ZNF804B: variants seen among roughly 807,000 people sequenced by gnomAD.
ZNF804B encodes the protein zinc finger 804B.
A neutral mutation model predicts 101.4 loss-of-function variants in ZNF804B; 80 were observed. The ratio of observed to expected loss-of-function variants is 0.79; its 90% confidence interval spans 0.66 to 0.95. The LOEUF is 0.95. Among genes scored for constraint, ZNF804B ranks in the 40% least tolerant of loss-of-function variants. The pLI is 0.00. For synonymous variants in ZNF804B, 622 were observed against 558.8 expected, an observed-to-expected ratio of 1.11 and a Z score of -1.59; for missense variants, 1,673 against 1,561.9, an observed-to-expected ratio of 1.07 and a Z score of -1.20.
At chr7:88,980,070 T>C (rs1793674926) in intron 1 of ZNF804B, among the ~76,000 whole-genome samples, 1 of 151,958 alleles carries the variant, frequency 6.6e-6, no homozygotes, top group Admixed American at 6.6e-5. Context: ...TGATTCTTTT[T>C]TTTTTATTAT....
intron 1 of ZNF804B, among the ~76,000 whole-genome samples, chr7:89,011,716 G>C (rs908210680): frequency 6.6e-6 from 1 of 151,970 alleles, no homozygotes; most frequent in African/African-American, 2.4e-5. Context: ...AAATAAGTGG[G>C]CTCCTATGGC....
chr7:89,045,656 C>T (rs574703273), intron 1 of ZNF804B, among the ~76,000 whole-genome samples: 1 of 152,156 alleles, frequency 6.6e-6, no homozygotes, highest in South Asian at 2.1e-4. Context: ...GGATTTCAGA[C>T]TTGCATTGAG....
chr7:88,856,336 G>A (rs1791558779), intron 1 of ZNF804B, among the ~76,000 whole-genome samples: 1 of 152,112 alleles, frequency 6.6e-6, no homozygotes, highest in Non-Finnish European at 1.5e-5. Context: ...CTTGTAAGTT[G>A]TATTCATAGG....
intron 2 of ZNF804B, among the ~76,000 whole-genome samples, chr7:89,261,347 C>A (rs1314709428): frequency 6.6e-6 from 1 of 151,976 alleles, no homozygotes; most frequent in Non-Finnish European, 1.5e-5. Flanking sequence ...ACATGACATA[C>A]CTTTTTCTTA....
At chr7:88,914,890 T>C (rs2115983458) in intron 1 of ZNF804B, among the ~76,000 whole-genome samples, 1 of 152,300 alleles carries the variant, frequency 6.6e-6, no homozygotes, top group Admixed American at 6.5e-5. Context: ...AACAAAGTAT[T>C]ACCTTGTTAT....
intron 1 of ZNF804B, among the ~76,000 whole-genome samples, chr7:89,171,360 TC>T (rs1791229997): frequency 1.8e-5 from 2 of 111,554 alleles, no homozygotes; most frequent in African/African-American, 6.6e-5. Context: ...TTCTTCTTCC[TC>T]CTCTTCCTCT....
chr7:89,026,375 C>T lies in ZNF804B; in HGVS notation c.109-191780C>T, dbSNP rs528910612. Among the ~76,000 whole-genome samples the T allele has an allele frequency of 8.5e-5, 13 of 152,172 alleles. No homozygotes were observed. In the South Asian group the frequency reaches 1.5e-3, roughly 17 times the overall value. On this transcript the variant is annotated intron_variant, in intron 1 of 3. Transcript: ENST00000333190. The stretch of plus-strand genomic sequence containing the variant: ...ATGGAATATACAAAGAGCTGGGACA[C>T]GGTTTTGCTAAAGCACGGGGGTACA...
At chr7:88,957,132 G>A (rs1793321921) in intron 1 of ZNF804B, among the ~76,000 whole-genome samples, 1 of 151,376 alleles carries the variant, frequency 6.6e-6, no homozygotes, top group Non-Finnish European at 1.5e-5. Context: ...TTCTGTTTAT[G>A]AAAGGAAGCC....
At chr7:88,852,410 A>G (rs1360441977) in intron 1 of ZNF804B, among the ~76,000 whole-genome samples, 2 of 152,094 alleles carry the variant, frequency 1.3e-5, no homozygotes, top group African/African-American at 4.8e-5. Context: ...CTAGAAGGCT[A>G]AATACCTTTG....
intron 1 of ZNF804B, among the ~76,000 whole-genome samples, chr7:89,178,454 A>T (rs1788239065): frequency 6.6e-6 from 1 of 152,000 alleles, no homozygotes; most frequent in South Asian, 2.1e-4. Flanking sequence ...AGGACTATGA[A>T]GCTTGCAAAT....
chr7:88,866,735 A>G (rs555708292), intron 1 of ZNF804B, among the ~76,000 whole-genome samples: 1 of 152,290 alleles, frequency 6.6e-6, no homozygotes, highest in East Asian at 1.9e-4. Context: ...AGAACCATGA[A>G]AAAATAATAG....
intron 2 of ZNF804B, among the ~76,000 whole-genome samples, chr7:89,219,188 C>T (rs1295267829): frequency 6.6e-6 from 1 of 151,954 alleles, no homozygotes. Flanking sequence ...AGTTACTTAA[C>T]TAGTTAGTGA....
At chr7:89,023,510 G>T (rs1316862241) in intron 1 of ZNF804B, among the ~76,000 whole-genome samples, 2 of 152,112 alleles carry the variant, frequency 1.3e-5, no homozygotes, top group African/African-American at 4.8e-5. Context: ...TGGCATTTTG[G>T]TCCTTAAATT....
chr7:88,978,302 C>A (rs1329464814), intron 1 of ZNF804B, among the ~76,000 whole-genome samples: 3 of 151,676 alleles, frequency 2.0e-5, no homozygotes, highest in Non-Finnish European at 4.4e-5. Context: ...GAAAATCTAT[C>A]CAATGCTGAA....
At chr7:88,886,474 C>T (rs1000277058) in intron 1 of ZNF804B, among the ~76,000 whole-genome samples, 4 of 152,126 alleles carry the variant, frequency 2.6e-5, no homozygotes, top group Admixed American at 6.6e-5. Context: ...ATTCAGACTT[C>T]CCATTTAAAT....
chr7:88,924,531 A>G (rs1365075905), intron 1 of ZNF804B, among the ~76,000 whole-genome samples: 1 of 152,078 alleles, frequency 6.6e-6, no homozygotes, highest in African/African-American at 2.4e-5. Flanking sequence ...CCTACATCAT[A>G]CCTTTACCTC....
Position 88,876,404 on chromosome 7 carries a change from A to G in ZNF804B, c.108+116320A>G, listed in dbSNP as rs1379890498. Among the ~76,000 whole-genome samples, 11 of 152,202 alleles carry G rather than the reference A, an allele frequency of 7.2e-5. 1 individual carries two copies. The highest frequency in any genetic ancestry group is 1.5e-4 in the Non-Finnish European group (10 of 68,038). ...GCACTTCTGTGAGTCTAATGAGTCT[A>G]GGCTTCTTTAATTTAAATAAAACTA... On this transcript the variant is annotated intron_variant, in intron 1 of 3. Transcript: ENST00000333190.
intron 1 of ZNF804B, among the ~76,000 whole-genome samples, chr7:88,770,614 A>T (rs1361406750): frequency 6.6e-6 from 1 of 152,098 alleles, no homozygotes; most frequent in African/African-American, 2.4e-5. Context: ...AATATTTCCA[A>T]TGGTGTGGGA....
chr7:89,256,324 C>G (rs574121888), intron 2 of ZNF804B, among the ~76,000 whole-genome samples: 1 of 151,978 alleles, frequency 6.6e-6, no homozygotes, highest in Non-Finnish European at 1.5e-5. Context: ...AAGGCTGAGG[C>G]GAAAGGATTG....
Sources: gnomAD v4.1 joint callset for allele counts (sites outside exome capture counted in the v4.1 genomes callset) on GRCh38, gnomAD v4.1.1 for gene constraint, MANE v1.5 for transcripts, NCBI Gene and HGNC (gene_info 2026-07-23, HGNC 2026-07-21) for gene names.